EIF5B: variants seen among roughly 807,000 people sequenced by gnomAD.
EIF5B encodes the protein eIF-5B.
Under a neutral mutation model 147.5 loss-of-function variants are expected in EIF5B, and 47 were observed. The observed-to-expected ratio is 0.32, with a 90% CI of 0.25 to 0.41. The LOEUF (loss-of-function observed/expected upper bound fraction) is 0.41, where lower values mean the gene tolerates loss of function less well. Ranked by LOEUF, EIF5B falls within the 10% of genes least tolerant of loss-of-function variation. The pLI is 1.00. For missense variants in EIF5B, 1,064 were observed against 1,413.2 expected, an observed-to-expected ratio of 0.75 and a Z score of 3.96; for synonymous variants, 455 against 456.2, an observed-to-expected ratio of 1.00 and a Z score of 0.03.
chr2:99,394,476 T>C, intron 19 of EIF5B, 33 bp from the exon 20 acceptor site: 1 of 1,613,992 alleles, frequency 6.2e-7, no homozygotes, highest in Non-Finnish European at 8.5e-7. Context: ...ACCTGATACA[T>C]ACAGATAAAC....
rs1674181256 is a variant in EIF5B at position 99,360,259 on chromosome 2, A to G, written c.59A>G (p.Asp20Gly). ...AGCACCAAGGATGACATTGATCTTG[A>G]TGCCTTGGCTGCAGAAATAGAAGGA... Reference protein sequence around the residue: ...EDSTKDDIDLDALAAEIEGAG... With the variant: ...EDSTKDDIDLGALAAEIEGAG... Residue 20 changes from aspartate to glycine, a missense_variant, in exon 2 of 24, where the codon GAT (aspartate) becomes GGT (glycine). Asp to Gly is a moderately conservative substitution (Grantham distance 94). Transcript: ENST00000289371. The G allele has an allele frequency of 6.2e-7, 1 of 1,605,018 alleles. No individual in the cohort carries two copies.
intron 1 of EIF5B, among the ~76,000 whole-genome samples, chr2:99,345,956 A>G (rs1018516451): frequency 1.3e-5 from 2 of 151,800 alleles, no homozygotes; most frequent in African/African-American, 2.4e-5. Context: ...AAAAAAAAAA[A>G]AAATGTGGTG....
chr2:99,368,465 C>T (rs376378131), intron 6 of EIF5B, 28 bp from the exon 7 acceptor site: 2 of 1,549,992 alleles, frequency 1.3e-6, no homozygotes, highest in African/African-American at 2.7e-5. Context: ...GTAGTATAAG[C>T]CTGAAGTTTT....
chr2:99,353,005 C>CTTTTGTTTTTTTTTT (rs1674009572), intron 1 of EIF5B, among the ~76,000 whole-genome samples: 1 of 62,850 alleles, frequency 1.6e-5, no homozygotes. Context: ...TCTTCTTCTT[C>CTTTTGTTTTTTTTTT]TTTTTTTTTT....
At chr2:99,355,738 G>A (rs1466372716) in intron 1 of EIF5B, among the ~76,000 whole-genome samples, 1 of 149,528 alleles carries the variant, frequency 6.7e-6, no homozygotes, top group African/African-American at 2.5e-5. Context: ...CCAGTCTCCC[G>A]AGTAGCTGGG....
In EIF5B at chr2:99,353,012, T is replaced by C. The variant is rs1259382108; in HGVS notation, c.36-7224T>C. On this transcript the variant is annotated intron_variant, in intron 1 of 23. Coordinates refer to ENST00000289371, the MANE Select transcript of EIF5B (RefSeq NM_015904.4). ...TAATTTTTTCTTCTTCTTCTTTTTT[T>C]TTTTTTTTTTTTTTTTTTTTGAGAC... is the stretch of plus-strand genomic sequence containing the variant. Among the ~76,000 whole-genome samples, 51 of 75,790 alleles carry C rather than the reference T, an allele frequency of 6.7e-4. 1 individual carries two copies. The highest frequency in any genetic ancestry group is 1.1e-3 in the Non-Finnish European group (41 of 37,398). 49.7% of individuals were successfully genotyped at this position (75,790 alleles called of 152,430 possible). A position where few individuals can be genotyped will look rare whatever the true frequency, so the allele number is the denominator to read the frequency against.
chr2:99,394,173 G>A, intron 18 of EIF5B, 94 bp from the exon 19 acceptor site: 1 of 1,465,848 alleles, frequency 6.8e-7, no homozygotes, highest in Non-Finnish European at 9.2e-7. Context: ...ATTTGCAGAT[G>A]AGTACTTAAC....
chr2:99,347,577 A>G lies in EIF5B; in HGVS notation c.35+9988A>G, dbSNP rs146770366. 5.9e-5 allele frequency among the ~76,000 whole-genome samples: 9 copies of G among 151,748 alleles called. No individual in the cohort carries two copies. The East Asian group carries it at 1.5e-3, about 26-fold the overall frequency. ...TGATGATACTGATGCTGCTTGTCCTATAACTATACTTTGAGTAGTAGGATC... is the reference window on the plus strand; with the variant it reads ...TGATGATACTGATGCTGCTTGTCCTGTAACTATACTTTGAGTAGTAGGATC... On this transcript the variant is annotated intron_variant, in intron 1 of 23. Coordinates refer to ENST00000289371, the MANE Select transcript of EIF5B (RefSeq NM_015904.4).
At chr2:99,364,476 T>C (rs960960788) in intron 6 of EIF5B, 55 bp downstream of exon 6, 24 of 1,463,356 alleles carry the variant, frequency 1.6e-5, no homozygotes, top group Admixed American at 2.3e-5. Flanking sequence ...CATGCAGTTA[T>C]ATCCCTTAAT....
chr2:99,360,515 G>A lies in EIF5B; in HGVS notation c.212G>A (p.Gly71Asp), dbSNP rs189331174. 8 of 1,613,682 alleles carry A rather than the reference G, an allele frequency of 5.0e-6. No homozygotes were observed. The African/African-American group carries it at 9.3e-5, about 19-fold the overall frequency. Residue 71 changes from glycine to aspartate, a missense_variant, in exon 3 of 24, where the codon GGC becomes GAC. Gly to Asp is a moderately conservative substitution (Grantham distance 94, BLOSUM62 -1). Transcript: ENST00000289371. Reference sequence around the variant, plus strand: ...GAAGAATTGTCTTTGGAAGCTCAAGGCATCAAAGCTGACAGAGAAACTGTT... The same window carrying A: ...GAAGAATTGTCTTTGGAAGCTCAAGACATCAAAGCTGACAGAGAAACTGTT... ...ELEELSLEAQ[G>D]IKADRETVAV...
At chr2:99,394,658 T>C in intron 20 of EIF5B, 61 bp from the exon 21 acceptor site, 11 of 1,610,878 alleles carry the variant, frequency 6.8e-6, no homozygotes, top group African/African-American at 1.3e-5. Context: ...CTTAAAAAAC[T>C]GTCCTCTGTG....
chr2:99,352,910 C>A (rs1300392163), intron 1 of EIF5B, among the ~76,000 whole-genome samples: 1 of 151,844 alleles, frequency 6.6e-6, no homozygotes, highest in African/African-American at 2.4e-5. Context: ...TCATAGCCTC[C>A]CTCTCCTGGG....
intron 8 of EIF5B, among the ~76,000 whole-genome samples, chr2:99,370,473 C>A (rs1242139223): frequency 6.6e-6 from 1 of 152,108 alleles, no homozygotes; most frequent in Non-Finnish European, 1.5e-5. Context: ...CTCTTCTGAG[C>A]GAATAGGATC....
chr2:99,383,010 A>C (rs1674723668), intron 14 of EIF5B, 89 bp downstream of exon 14: 1 of 1,363,284 alleles, frequency 7.3e-7, no homozygotes, highest in African/African-American at 1.5e-5. Context: ...ACTTACAAGC[A>C]TAGCTCATTT....
chr2:99,345,762 T>C (rs2094271608), intron 1 of EIF5B, among the ~76,000 whole-genome samples: 1 of 151,636 alleles, frequency 6.6e-6, no homozygotes, highest in African/African-American at 2.4e-5. Flanking sequence ...CCGTGCAACG[T>C]GGGGAGACCC....
chr2:99,378,855 C>A (rs533892335), intron 10 of EIF5B, among the ~76,000 whole-genome samples, 164 bp from the exon 11 acceptor site: 1 of 152,082 alleles, frequency 6.6e-6, no homozygotes, highest in Non-Finnish European at 1.5e-5. Flanking sequence ...GATGGGAATT[C>A]GATTGTAAAG....
intron 1 of EIF5B, among the ~76,000 whole-genome samples, chr2:99,347,142 A>G (rs183451043): frequency 3.3e-5 from 5 of 151,996 alleles, no homozygotes; most frequent in African/African-American, 1.2e-4. Flanking sequence ...AGTATCTGGG[A>G]CTACAGACGC....
In EIF5B at chr2:99,360,379, A is replaced by G. The variant is rs925928656; in HGVS notation, c.161+18A>G. The G allele has an allele frequency of 1.5e-5, 23 of 1,577,646 alleles. No homozygotes were observed. The highest frequency in any genetic ancestry group is 1.9e-5 in the Non-Finnish European group (22 of 1,163,374). ...GACTTTGAGTAAGTATATTTTAAAT[A>G]TATTTGATTTTTATTTGTTTTGGTA... On this transcript the variant is annotated intron_variant, in intron 2 of 23. Coordinates refer to ENST00000289371, the MANE Select transcript of EIF5B (RefSeq NM_015904.4).
intron 12 of EIF5B, among the ~76,000 whole-genome samples, chr2:99,381,011 C>T (rs900678485): frequency 6.6e-6 from 1 of 152,138 alleles, no homozygotes; most frequent in Admixed American, 6.5e-5. Flanking sequence ...AGCTGAATTT[C>T]GTCTTTTTAT....
Sources: gnomAD v4.1 joint callset for allele counts (sites outside exome capture counted in the v4.1 genomes callset) on GRCh38, gnomAD v4.1.1 for gene constraint, MANE v1.5 for transcripts, NCBI Gene and HGNC (gene_info 2026-07-23, HGNC 2026-07-21) for gene names.